The following MAMDC2 variants were observed in gnomAD, a reference collection of about 807,000 sequenced individuals.
The protein encoded by MAMDC2 is MAM domain containing 2.
A neutral mutation model predicts 89.8 loss-of-function variants in MAMDC2; 57 were observed. The ratio of observed to expected loss-of-function variants is 0.63; its 90% CI spans 0.51 to 0.79. The LOEUF (loss-of-function observed/expected upper bound fraction) is 0.79, where lower values mean the gene tolerates loss of function less well. Among genes scored for constraint, MAMDC2 ranks in the 30% least tolerant of loss-of-function variants. MAMDC2 has a pLI of 0.00. For missense variants in MAMDC2, 800 were observed against 820.6 expected (o/e 0.97, Z 0.31); for synonymous variants, 313 against 293.4 (o/e 1.07, Z -0.68).
In MAMDC2 at chr9:70,109,710, T is replaced by C; in HGVS notation, c.421-10T>C. The C allele has an allele frequency of 1.9e-6, 3 of 1,606,334 alleles. No individual in the cohort carries two copies. In the South Asian group the frequency reaches 3.3e-5, roughly 18 times the overall value. On this transcript the variant is annotated splice_polypyrimidine_tract_variant and intron_variant, in intron 3 of 13. Coordinates refer to ENST00000377182, the MANE Select transcript of MAMDC2 (RefSeq NM_153267.5). ...AGTCTAACTCCCCTTCTTCCCCATA[T>C]GTTGTGCAGATTTTAATAGAAGGTG... is the stretch of plus-strand genomic sequence containing the variant.
At position 70,126,143 on chromosome 9, in the gene MAMDC2, T is replaced by A. The variant is rs758639112; in HGVS notation, c.644-16T>A. On this transcript the variant is annotated splice_polypyrimidine_tract_variant and intron_variant, in intron 5 of 13. Coordinates refer to ENST00000377182, the MANE Select transcript of MAMDC2 (RefSeq NM_153267.5). ...CCCCAACTCTTAACACTGTGCTCTG[T>A]CTGTGTGATTTTCAGGCCACTACAT... is the stretch of plus-strand genomic sequence containing the variant. 3.1e-6 allele frequency: 5 copies of A among 1,600,264 alleles called. No individual in the cohort carries two copies. Among genetic ancestry groups the A allele is most frequent in the African/African-American group, 2.7e-5 (2 of 74,554 alleles).
At chr9:70,149,263 C>T (rs537609824) in intron 9 of MAMDC2, among the ~76,000 whole-genome samples, 1 of 150,678 alleles carries the variant, frequency 6.6e-6, no homozygotes, top group Admixed American at 6.6e-5. Flanking sequence ...ATGCTGATGT[C>T]CAAGTGTTAC....
intron 11 of MAMDC2, among the ~76,000 whole-genome samples, chr9:70,172,402 G>A (rs555598520): frequency 6.6e-6 from 1 of 152,316 alleles, no homozygotes; most frequent in African/African-American, 2.4e-5. Context: ...TATTTAAAGT[G>A]ATCTCTTAGC....
intron 2 of MAMDC2, among the ~76,000 whole-genome samples, chr9:70,098,865 C>A (rs1438882318): frequency 1.3e-5 from 2 of 152,088 alleles, no homozygotes; most frequent in East Asian, 1.9e-4. Context: ...ATCATAGGAT[C>A]ATTTGACAGG....
intron 12 of MAMDC2, among the ~76,000 whole-genome samples, chr9:70,222,527 A>G (rs74730060): frequency 0.013 from 1,967 of 152,298 alleles, 38 homozygotes; most frequent in African/African-American, 0.045. Flanking sequence ...TCCACTCATT[A>G]GATCATCCCT....
At position 70,168,678 on chromosome 9, in the gene MAMDC2, T is replaced by C. The variant is rs540168917; in HGVS notation, c.1405-24T>C. 37 of 1,596,308 alleles carry C rather than the reference T, an allele frequency of 2.3e-5. No homozygotes were observed. In the African/African-American group the frequency reaches 3.4e-4, roughly 14 times the overall value. On this transcript the variant is annotated intron_variant, in intron 9 of 13. Transcript: ENST00000377182. ...TCCAGTTTTCAGTTAACAGAATTCA[T>C]AGCTTTATTTTTATGAATTTCAGGT...
At chr9:70,225,654 A>G (rs1239579479) in intron 12 of MAMDC2, 96 bp from the exon 13 acceptor site, 1 of 711,650 alleles carries the variant, frequency 1.4e-6, no homozygotes, top group Non-Finnish European at 2.4e-6. Context: ...CTCAAGAGCA[A>G]TCTACGTTTT....
At chr9:70,045,026 T>A (rs187957755) in intron 2 of MAMDC2, among the ~76,000 whole-genome samples, 3 of 151,052 alleles carry the variant, frequency 2.0e-5, no homozygotes, top group Non-Finnish European at 2.9e-5. Context: ...ACCAGCTGTG[T>A]GCCTCTGCAG....
At chr9:70,196,151 CATAACA>C (rs536516742) in intron 11 of MAMDC2, among the ~76,000 whole-genome samples, 59 of 152,110 alleles carry the variant, frequency 3.9e-4, no homozygotes, top group Non-Finnish European at 6.6e-4. Context: ...TCACTACCAC[CATAACA>C]GTATGGGGGG....
At chr9:70,047,314 G>A (rs1826776910) in intron 2 of MAMDC2, among the ~76,000 whole-genome samples, 1 of 151,808 alleles carries the variant, frequency 6.6e-6, no homozygotes, top group Non-Finnish European at 1.5e-5. Flanking sequence ...TTTAAGCCCC[G>A]CATGCTTTAG....
At chr9:70,067,584 A>G (rs895358202) in intron 2 of MAMDC2, among the ~76,000 whole-genome samples, 2 of 152,158 alleles carry the variant, frequency 1.3e-5, no homozygotes, top group African/African-American at 4.8e-5. Context: ...AGTGAGCAAA[A>G]AGTAATTGAT....
In MAMDC2 at chr9:70,108,206, T is replaced by C; in HGVS notation, c.149-5T>C. ...TCCTTTTCCTATGTTCCTTTCTCTT[T>C]CCAGGCCATTACATTTATGTGGATA... is the stretch of plus-strand genomic sequence containing the variant. On this transcript the variant is annotated splice_region_variant and splice_polypyrimidine_tract_variant and intron_variant, in intron 2 of 13. Transcript: ENST00000377182. The C allele has an allele frequency of 6.4e-7, 1 of 1,571,350 alleles. No homozygotes were observed. Among genetic ancestry groups the C allele is most frequent in the Non-Finnish European group, 8.6e-7 (1 of 1,160,646 alleles).
intron 5 of MAMDC2, among the ~76,000 whole-genome samples, chr9:70,122,151 A>G (rs1398224421): frequency 6.6e-6 from 1 of 152,234 alleles, no homozygotes; most frequent in Non-Finnish European, 1.5e-5. Context: ...TGAATGATGG[A>G]AAGAAAAAGG....
At chr9:70,168,313 G>A (rs1459325869) in intron 9 of MAMDC2, among the ~76,000 whole-genome samples, 1 of 152,102 alleles carries the variant, frequency 6.6e-6, no homozygotes, top group Admixed American at 6.6e-5. Flanking sequence ...CCAACATGGT[G>A]AAACCCCGTC....
intron 7 of MAMDC2, among the ~76,000 whole-genome samples, chr9:70,134,174 A>T (rs2030916800): frequency 6.6e-6 from 1 of 152,030 alleles, no homozygotes; most frequent in South Asian, 2.1e-4. Context: ...CATACACAGC[A>T]TCTTGTTCCC....
intron 11 of MAMDC2, 112 bp downstream of exon 11, chr9:70,170,743 A>C: frequency 1.0e-6 from 1 of 972,208 alleles, no homozygotes; most frequent in South Asian, 2.0e-5. Context: ...TCTATAATGA[A>C]ATGCACTTGT....
At chr9:70,090,609 G>A (rs929641459) in intron 2 of MAMDC2, 2 of 151,900 alleles carry the variant, frequency 1.3e-5, no homozygotes, top group South Asian at 2.1e-4. Context: ...AACATACACT[G>A]TATTTATGAT....
intron 2 of MAMDC2, chr9:70,086,894 G>C (rs1017705040): frequency 6.6e-6 from 1 of 152,108 alleles, no homozygotes; most frequent in African/African-American, 2.4e-5. Context: ...CCTGGTATAT[G>C]ATATAGATAA....
chr9:70,192,947 T>C (rs1007434336), intron 11 of MAMDC2, among the ~76,000 whole-genome samples: 1 of 152,118 alleles, frequency 6.6e-6, no homozygotes, highest in African/African-American at 2.4e-5. Context: ...AGGACAGGCA[T>C]GGTGATTAGA....
Sources: allele counts gnomAD v4.1 joint callset (sites outside exome capture counted in the v4.1 genomes callset), GRCh38; gene constraint gnomAD v4.1.1; transcripts MANE v1.5; gene names NCBI Gene and HGNC (gene_info 2026-07-23, HGNC 2026-07-21).